Variants in TNFSF4 observed in about 807,000 individuals in gnomAD.
The protein encoded by TNFSF4 is tumor necrosis factor ligand superfamily member 4.
In TNFSF4, 4 loss-of-function variants were observed where a neutral mutation model predicts 7.3. The observed-to-expected ratio is 0.55, with a 90% confidence interval of 0.27 to 1.25. TNFSF4 has a LOEUF of 1.25. TNFSF4 is among the 50% of genes most tolerant of loss of function. The probability of loss-of-function intolerance (pLI) is 0.12; values close to 1 mark genes in which losing one functional copy is unlikely to be tolerated. For missense variants in TNFSF4, 181 were observed against 208.8 expected (o/e 0.87, Z 0.82); for synonymous variants, 76 against 83.7 (o/e 0.91, Z 0.50).
chr1:173,293,675 A>G, the TNFSF4 span, among the ~76,000 whole-genome samples: 1 of 152,174 alleles, frequency 6.6e-6, no homozygotes. Context: ...AACAGAGTCA[A>G]CAGGCAACCT....
At chr1:173,329,584 G>C in the TNFSF4 span, among the ~76,000 whole-genome samples, 1 of 152,110 alleles carries the variant, frequency 6.6e-6, no homozygotes, top group Non-Finnish European at 1.5e-5. Flanking sequence ...TTGTCTATTA[G>C]AGCAGGGTTT....
chr1:173,365,586 G>A, the TNFSF4 span, among the ~76,000 whole-genome samples: 1 of 152,282 alleles, frequency 6.6e-6, no homozygotes, highest in East Asian at 1.9e-4. Flanking sequence ...TTTGTCATCA[G>A]TGTCCTCATT....
the TNFSF4 span, among the ~76,000 whole-genome samples, chr1:173,367,114 TTAGA>T: frequency 6.6e-6 from 1 of 152,236 alleles, no homozygotes; most frequent in South Asian, 2.1e-4. Flanking sequence ...TCCCTTCATG[TTAGA>T]TAGTGTTAAC....
chr1:173,355,463 C>A, the TNFSF4 span, among the ~76,000 whole-genome samples: 1 of 152,168 alleles, frequency 6.6e-6, no homozygotes, highest in Non-Finnish European at 1.5e-5. Flanking sequence ...AACCTCTGTT[C>A]CCGTCTAAGG....
chr1:173,359,465 AGAAAAG>A, the TNFSF4 span, among the ~76,000 whole-genome samples: 4 of 21,856 alleles, frequency 1.8e-4, no homozygotes, highest in Admixed American at 6.6e-4. Flanking sequence ...AAAAAAAAAA[AGAAAAG>A]AAAAAAGAAA....
upstream of TNFSF4, among the ~76,000 whole-genome samples, chr1:173,209,863 C>A (rs912904186): frequency 6.6e-6 from 1 of 151,920 alleles, no homozygotes; most frequent in African/African-American, 2.4e-5. Context: ...AGCAAATCAG[C>A]CTTAAAATAA....
chr1:173,428,954 C>T, the TNFSF4 span, among the ~76,000 whole-genome samples: 3 of 151,874 alleles, frequency 2.0e-5, no homozygotes, highest in South Asian at 6.2e-4. Context: ...TTGCAGTGAG[C>T]CGAGATTGTG....
the TNFSF4 span, among the ~76,000 whole-genome samples, chr1:173,235,591 A>T: frequency 6.6e-6 from 1 of 152,236 alleles, no homozygotes; most frequent in Non-Finnish European, 1.5e-5. Context: ...TTGTCTACAC[A>T]TACTACGCAT....
the TNFSF4 span, among the ~76,000 whole-genome samples, chr1:173,361,167 T>G: frequency 6.6e-6 from 1 of 152,226 alleles, no homozygotes; most frequent in Non-Finnish European, 1.5e-5. Context: ...AGATGTTTGT[T>G]AAACTGCCTT....
the TNFSF4 span, among the ~76,000 whole-genome samples, chr1:173,383,661 T>A: frequency 6.6e-6 from 1 of 151,936 alleles, no homozygotes; most frequent in Non-Finnish European, 1.5e-5. Context: ...CCACAGAGAA[T>A]TAAGCAATTT....
At chr1:173,233,805 A>G in the TNFSF4 span, among the ~76,000 whole-genome samples, 3 of 152,318 alleles carry the variant, frequency 2.0e-5, no homozygotes, top group East Asian at 5.8e-4. Flanking sequence ...TTCAAGATGG[A>G]TTAAAGACTT....
At chr1:173,412,970 T>C in the TNFSF4 span, among the ~76,000 whole-genome samples, 1 of 152,206 alleles carries the variant, frequency 6.6e-6, no homozygotes, top group African/African-American at 2.4e-5. Context: ...CACTCCTGCA[T>C]CCAAGGGAAT....
chr1:173,322,688 T>C, the TNFSF4 span, among the ~76,000 whole-genome samples: 351 of 152,216 alleles, frequency 2.3e-3, 2 homozygotes, highest in African/African-American at 7.9e-3. Flanking sequence ...ACTCCCACCC[T>C]AATACTGCAC....
chr1:173,284,378 A>G, the TNFSF4 span, among the ~76,000 whole-genome samples: 1 of 152,208 alleles, frequency 6.6e-6, no homozygotes, highest in Non-Finnish European at 1.5e-5. Context: ...CATCTTCATC[A>G]CATATAAGTG....
At chr1:173,442,556 T>TG in the TNFSF4 span, among the ~76,000 whole-genome samples, 12 of 143,474 alleles carry the variant, frequency 8.4e-5, no homozygotes, top group Admixed American at 7.6e-4. Context: ...TTTTTGTTTT[T>TG]TTTTTTTTTT....
the TNFSF4 span, among the ~76,000 whole-genome samples, chr1:173,178,098 G>T: frequency 6.6e-6 from 1 of 151,980 alleles, no homozygotes; most frequent in African/African-American, 2.4e-5. Context: ...ATTACCAGAG[G>T]ATATACCCAT....
chr1:173,437,677 C>T, the TNFSF4 span, among the ~76,000 whole-genome samples: 18 of 152,114 alleles, frequency 1.2e-4, no homozygotes, highest in African/African-American at 4.3e-4. Context: ...TATTTTTCTT[C>T]ATTTTTATCA....
At chr1:173,324,280 G>T in the TNFSF4 span, among the ~76,000 whole-genome samples, 1,236 of 152,258 alleles carry the variant, frequency 8.1e-3, 6 homozygotes, top group Non-Finnish European at 0.014. Flanking sequence ...ATAAGTGAAG[G>T]AGAAATAAAA....
intron 1 of TNFSF4, among the ~76,000 whole-genome samples, chr1:173,190,996 A>G (rs1649453692): frequency 2.0e-5 from 3 of 152,218 alleles, no homozygotes; most frequent in African/African-American, 7.2e-5. Context: ...GTTTAATTTA[A>G]TAAAAGAGAA....
Sources: gnomAD v4.1 joint callset for allele counts (sites outside exome capture counted in the v4.1 genomes callset) on GRCh38, gnomAD v4.1.1 for gene constraint, MANE v1.5 for transcripts, NCBI Gene and HGNC (gene_info 2026-07-23, HGNC 2026-07-21) for gene names.